The following CAT variants were observed in gnomAD, a reference collection of about 807,000 sequenced individuals.
CAT encodes the protein epididymis secretory sperm binding protein.
Under a neutral mutation model 59.0 loss-of-function variants are expected in CAT, and 43 were observed. That is an observed-to-expected ratio of 0.73 (90% CI 0.57 to 0.94). The LOEUF is 0.94. Among genes scored for constraint, CAT ranks in the 40% least tolerant of loss-of-function variants. The pLI, the probability that CAT is intolerant of heterozygous loss-of-function variation, is 0.00. For synonymous variants in CAT, 218 were observed against 230.9 expected (o/e 0.94, Z 0.51); for missense variants, 664 against 682.9 (o/e 0.97, Z 0.31).
intron 11 of CAT, among the ~76,000 whole-genome samples, chr11:34,470,208 C>T (rs1003153309): frequency 3.3e-5 from 5 of 152,136 alleles, no homozygotes; most frequent in African/African-American, 1.2e-4. Context: ...TGGAAAGACT[C>T]ATAGAACTCA....
chr11:34,461,789 C>T (rs1856654662), intron 9 of CAT, among the ~76,000 whole-genome samples: 1 of 152,118 alleles, frequency 6.6e-6, no homozygotes, highest in Admixed American at 6.5e-5. Context: ...CTTGGAAGTG[C>T]GAAAGCCAAG....
intron 11 of CAT, 53 bp downstream of exon 11, chr11:34,468,448 A>G (rs1478535288): frequency 1.4e-5 from 17 of 1,246,564 alleles, no homozygotes; most frequent in Non-Finnish European, 1.9e-5. Context: ...AAGACAGTGC[A>G]GCTGTGTGGG....
At chr11:34,468,638 G>A in intron 11 of CAT, 1 of 572,464 alleles carries the variant, frequency 1.7e-6, no homozygotes, top group Non-Finnish European at 3.1e-6. Flanking sequence ...GTTGTGTTCA[G>A]ACTGAATTTT....
chr11:34,439,056 T>G lies in CAT; in HGVS notation c.43T>G (p.Trp15Gly). Reference sequence around the variant, plus strand: ...TCCCGCCAGCGACCAGATGCAGCACTGGAAGGAGCAGCGGGCCGCGCAGGT... The same window carrying G: ...TCCCGCCAGCGACCAGATGCAGCACGGGAAGGAGCAGCGGGCCGCGCAGGT... ...RDPASDQMQHWKEQRAAQKAD... is the reference protein window; with the variant it reads ...RDPASDQMQHGKEQRAAQKAD... The change falls in exon 1 of 13, where the codon TGG (tryptophan) becomes GGG (glycine). Residue 15 changes from tryptophan to glycine, a missense_variant. By Grantham distance (184) the Trp-to-Gly change is radical. Transcript: ENST00000241052. 6.3e-7 allele frequency: 1 copy of G among 1,598,346 alleles called. No homozygotes were observed. The highest frequency in any genetic ancestry group is 8.5e-7 in the Non-Finnish European group (1 of 1,172,634).
chr11:34,455,254 T>C (rs1000934954), intron 6 of CAT, among the ~76,000 whole-genome samples: 1 of 152,174 alleles, frequency 6.6e-6, no homozygotes, highest in East Asian at 1.9e-4. Flanking sequence ...GTGGTAGAAA[T>C]AGACCAGCGT....
Position 34,452,130 on chromosome 11 carries a change from A to G in CAT, c.403A>G (p.Lys135Glu). ...TVRDPRGFAV[K>E]FYTEDGNWDL... ...TCGGGACCCTCGTGGGTTTGCAGTG[A>G]AATTTTACACAGAAGATGGTAACTG... Residue 135 changes from lysine to glutamate, a missense_variant, in exon 4 of 13, where the codon AAA becomes GAA. Physicochemically the swap from Lys to Glu is moderately conservative, Grantham distance 56 (BLOSUM62 1). Coordinates refer to ENST00000241052, the MANE Select transcript of CAT (RefSeq NM_001752.4). 2 of 1,613,894 alleles carry G rather than the reference A, an allele frequency of 1.2e-6. No individual in the cohort carries two copies. The highest frequency in any genetic ancestry group is 1.7e-6 in the Non-Finnish European group (2 of 1,179,784).
intron 10 of CAT, among the ~76,000 whole-genome samples, chr11:34,465,993 A>G (rs1386932548): frequency 1.3e-5 from 2 of 152,218 alleles, no homozygotes; most frequent in Admixed American, 6.5e-5. Flanking sequence ...ATTTGTAAGC[A>G]CTGGTCCAGA....
intron 6 of CAT, among the ~76,000 whole-genome samples, chr11:34,454,182 A>G (rs998063993): frequency 3.3e-5 from 5 of 152,298 alleles, no homozygotes; most frequent in African/African-American, 1.2e-4. Context: ...TAACTTTTTA[A>G]GTCATCCATC....
intron 8 of CAT, 46 bp from the exon 9 acceptor site, chr11:34,461,205 A>T: frequency 6.2e-7 from 1 of 1,604,108 alleles, no homozygotes; most frequent in South Asian, 1.1e-5. Context: ...TTCCTATGTT[A>T]TATGTTACTG....
intron 1 of CAT, among the ~76,000 whole-genome samples, chr11:34,442,343 C>T (rs1043335862): frequency 1.3e-5 from 2 of 152,100 alleles, no homozygotes; most frequent in Non-Finnish European, 2.9e-5. Context: ...TGACTCACAC[C>T]TATAATCCAG....
chr11:34,450,948 AAT>A, intron 2 of CAT, 38 bp from the exon 3 acceptor site: 1 of 1,330,306 alleles, frequency 7.5e-7, no homozygotes, highest in East Asian at 2.3e-5. Context: ...ATGTCTGAGT[AAT>A]GGTCTCATGG....
intron 3 of CAT, 106 bp from the exon 4 acceptor site, chr11:34,451,971 G>T: frequency 8.2e-7 from 1 of 1,213,902 alleles, no homozygotes; most frequent in South Asian, 1.2e-5. Flanking sequence ...TTTAGTTCTT[G>T]GAAGTGGATT....
chr11:34,465,273 A>G lies in CAT; in HGVS notation c.1326+1038A>G, dbSNP rs151323275. ...TGGGTTCCAAGTAAAAAATACTTATACATGAATTAATTCGCTGTGAGGATA... is the reference window on the plus strand; with the variant it reads ...TGGGTTCCAAGTAAAAAATACTTATGCATGAATTAATTCGCTGTGAGGATA... On this transcript the variant is annotated intron_variant, in intron 10 of 12. Transcript: ENST00000241052. 2.7e-3 allele frequency among the ~76,000 whole-genome samples: 414 copies of G among 152,388 alleles called. 2 individuals are homozygous for G. The highest frequency in any genetic ancestry group is 4.9e-3 in the Non-Finnish European group (330 of 68,040).
In CAT at chr11:34,453,096, TC is replaced by T. The variant is rs780447956; in HGVS notation, c.488del (p.Ser163PhefsTer14). 2 of 1,606,624 alleles carry T rather than the reference TC, an allele frequency of 1.2e-6. No individual in the cohort carries two copies. On this transcript the variant is annotated frameshift_variant, in exon 5 of 13. Coordinates refer to ENST00000241052, the MANE Select transcript of CAT (RefSeq NM_001752.4). LOFTEE classifies it high-confidence loss of function. ...CTCTCTTTTTTCTATTTAGTTTCCA[TC>T]TTTTATCCACAGCCAAAAGAGAAAT... ...FFIRDPILFP[S>X]FIHSQKRNPQ... is the part of the protein sequence containing the mutation.
At chr11:34,469,088 C>T (rs993574404) in intron 11 of CAT, among the ~76,000 whole-genome samples, 4 of 152,322 alleles carry the variant, frequency 2.6e-5, no homozygotes, top group Admixed American at 6.5e-5. Context: ...CTGATGGCCG[C>T]TCATCGAGCT....
chr11:34,469,529 T>G (rs1455662405), intron 11 of CAT, among the ~76,000 whole-genome samples: 1 of 152,172 alleles, frequency 6.6e-6, no homozygotes, highest in Non-Finnish European at 1.5e-5. Context: ...ACATTAACTT[T>G]AGGCTGTGTC....
In CAT at chr11:34,471,601, C is replaced by T. The variant is rs1432677049; in HGVS notation, c.*168C>T. 1.5e-6 allele frequency: 1 copy of T among 663,300 alleles called. No individual in the cohort carries two copies. The highest frequency in any genetic ancestry group is 1.8e-5 in the African/African-American group (1 of 55,546). 41.1% of individuals were successfully genotyped at this position (663,300 alleles called of 1,614,324 possible). ...TGTGTAACAATTTTAATGCTATTTC[C>T]CCAGGGGAAAATGAAGGTTAGGATT... On this transcript the variant is annotated 3_prime_UTR_variant, in exon 13 of 13. Transcript: ENST00000241052.
At chr11:34,461,507 G>A in intron 9 of CAT, 118 bp downstream of exon 9, 1 of 1,230,296 alleles carries the variant, frequency 8.1e-7, no homozygotes. Context: ...CTTGGTAAAG[G>A]TGCTCCCCAG....
chr11:34,463,451 G>A (rs1260720632), intron 9 of CAT, among the ~76,000 whole-genome samples: 2 of 152,172 alleles, frequency 1.3e-5, no homozygotes, highest in Admixed American at 1.3e-4. Context: ...GATACCCTGA[G>A]AATCCTAAAA....
Sources: gnomAD v4.1 joint callset for allele counts (sites outside exome capture counted in the v4.1 genomes callset) on GRCh38, gnomAD v4.1.1 for gene constraint, MANE v1.5 for transcripts, NCBI Gene and HGNC (gene_info 2026-07-23, HGNC 2026-07-21) for gene names.